ZNF644: variants seen among roughly 807,000 people sequenced by gnomAD.
ZNF644 encodes zinc finger protein 644, also known as zinc finger motif enhancer binding protein 2.
A neutral mutation model predicts 108.0 loss-of-function variants in ZNF644; 20 were observed. The ratio of observed to expected loss-of-function variants is 0.19; its 90% CI spans 0.13 to 0.27. The LOEUF is 0.27. ZNF644 is among the 10% of genes least tolerant of loss of function. The pLI, the probability that ZNF644 is intolerant of heterozygous loss-of-function variation, is 1.00. For missense variants in ZNF644, 1,338 were observed against 1,548.9 expected, an observed-to-expected ratio of 0.86 and a Z score of 2.29; for synonymous variants, 542 against 539.1, an observed-to-expected ratio of 1.01 and a Z score of -0.08.
intron 2 of ZNF644, among the ~76,000 whole-genome samples, chr1:90,950,488 G>C (rs2101041517): frequency 6.6e-6 from 1 of 151,408 alleles, no homozygotes; most frequent in South Asian, 2.1e-4. Flanking sequence ...AGAACCTGAG[G>C]ATATTAAGTA....
chr1:90,995,500 A>T (rs1006894674), intron 1 of ZNF644, among the ~76,000 whole-genome samples: 2 of 152,180 alleles, frequency 1.3e-5, no homozygotes, highest in Non-Finnish European at 1.5e-5. Flanking sequence ...AAAACATTTC[A>T]AATTCAGTAG....
intron 1 of ZNF644, among the ~76,000 whole-genome samples, chr1:91,018,360 GACA>G (rs1660605085): frequency 6.6e-6 from 1 of 152,074 alleles, no homozygotes; most frequent in Non-Finnish European, 1.5e-5. Context: ...TGCTATACCT[GACA>G]ACTTTACTCA....
chr1:90,936,829 A>G (rs989662752), intron 4 of ZNF644, among the ~76,000 whole-genome samples: 2 of 152,222 alleles, frequency 1.3e-5, no homozygotes, highest in Admixed American at 1.3e-4. Flanking sequence ...GTGCACCAGC[A>G]CTAAGCTAAA....
At chr1:91,000,183 C>T (rs377452561) in intron 1 of ZNF644, among the ~76,000 whole-genome samples, 8 of 152,244 alleles carry the variant, frequency 5.3e-5, no homozygotes, top group East Asian at 3.9e-4. Flanking sequence ...CTGCATCAAG[C>T]GGACCTAACA....
chr1:90,970,998 CAAAAAAAAAAA>C (rs61253802), intron 2 of ZNF644, among the ~76,000 whole-genome samples: 5 of 92,886 alleles, frequency 5.4e-5, no homozygotes, highest in African/African-American at 2.3e-4. Context: ...GACTCCATTT[CAAAAAAAAAAA>C]AAAAAAAAAC....
chr1:90,970,142 TA>T, intron 2 of ZNF644, among the ~76,000 whole-genome samples: 1 of 152,226 alleles, frequency 6.6e-6, no homozygotes, highest in Non-Finnish European at 1.5e-5. Flanking sequence ...TGCAACCCTA[TA>T]CAGCAATTAG....
chr1:90,937,649 A>G lies in ZNF644; in HGVS notation c.3524T>C (p.Leu1175Pro). The change falls in exon 4 of 6, where the codon CTT becomes CCT. Residue 1175 changes from leucine (L) to proline (P), a missense_variant. Transcript: ENST00000337393. Reference sequence around the variant, plus strand: ...TTCTTCTCCCATCCTTTTATTTTTAAGAAGTTCTATGAGTGTAAGAGACTG... The same window carrying G: ...TTCTTCTCCCATCCTTTTATTTTTAGGAAGTTCTATGAGTGTAAGAGACTG... ...KNQSLTLIEL[L>P]KNKRMGEERN... 5 of 1,613,918 alleles carry G rather than the reference A, an allele frequency of 3.1e-6. No homozygotes were observed. The highest frequency in any genetic ancestry group is 4.2e-6 in the Non-Finnish European group (5 of 1,179,858).
rs1381805695 is a variant in ZNF644, at chr1:90,916,828, A to C, written c.3954T>G (p.Phe1318Leu). 1.9e-6 allele frequency: 3 copies of C among 1,614,112 alleles called. No homozygotes were observed. The highest frequency in any genetic ancestry group is 2.2e-5 in the East Asian group (1 of 44,894). Reference sequence around the variant, plus strand: ...AAGCTGCTTCGGCCATTAGTAGAGAAAATGAAGTTTCTGTAATGGAGGCAG... The same window carrying C: ...AAGCTGCTTCGGCCATTAGTAGAGACAATGAAGTTTCTGTAATGGAGGCAG... ...KKPASITETS[F>L]SLLMAEAAS Residue 1318 changes from phenylalanine (F) to leucine (L), a missense_variant, in exon 6 of 6, where the codon TTT becomes TTG. Transcript: ENST00000337393.
intron 1 of ZNF644, among the ~76,000 whole-genome samples, chr1:91,000,246 C>T (rs946840042): frequency 6.6e-6 from 1 of 152,198 alleles, no homozygotes; most frequent in African/African-American, 2.4e-5. Context: ...TTCTTTTCAA[C>T]ACCACATCGC....
At chr1:90,973,447 ATTGTTAAACTCGTATTTTAGTT>A (rs1655699140) in intron 2 of ZNF644, among the ~76,000 whole-genome samples, 1 of 152,198 alleles carries the variant, frequency 6.6e-6, no homozygotes, top group Admixed American at 6.5e-5. Flanking sequence ...TAGGTCTTCC[ATTGTTAAACTCGTATTTTAGTT>A]TTGTTATCTG....
chr1:90,970,234 G>C (rs1000647525), intron 2 of ZNF644, among the ~76,000 whole-genome samples: 4 of 152,128 alleles, frequency 2.6e-5, no homozygotes, highest in Non-Finnish European at 5.9e-5. Flanking sequence ...TAAAACATAT[G>C]GATCTCCTTT....
At chr1:91,021,883 G>A (rs1570608585) in intron 1 of ZNF644, 107 bp downstream of exon 1, 2 of 398,658 alleles carry the variant, frequency 5.0e-6, no homozygotes, top group East Asian at 3.6e-5. Context: ...CGGAGGCCGG[G>A]TCCCCCAAGT....
intron 1 of ZNF644, among the ~76,000 whole-genome samples, chr1:90,987,183 G>C (rs1218157233): frequency 7.0e-6 from 1 of 143,672 alleles, no homozygotes; most frequent in African/African-American, 2.5e-5. Flanking sequence ...TATTAGGGCA[G>C]AGATCAACTA....
chr1:90,980,273 T>A (rs570916692), intron 2 of ZNF644, among the ~76,000 whole-genome samples: 1 of 152,184 alleles, frequency 6.6e-6, no homozygotes, highest in African/African-American at 2.4e-5. Context: ...TTTCAGAAGA[T>A]AAGCTGACAA....
chr1:90,943,103 C>A (rs1017493638), intron 2 of ZNF644, among the ~76,000 whole-genome samples: 3 of 152,004 alleles, frequency 2.0e-5, no homozygotes, highest in Non-Finnish European at 1.5e-5. Context: ...TTAAGGGTAC[C>A]AATTTCATGC....
chr1:90,953,857 A>C (rs1024422835), intron 2 of ZNF644, among the ~76,000 whole-genome samples: 1 of 151,908 alleles, frequency 6.6e-6, no homozygotes, highest in Non-Finnish European at 1.5e-5. Flanking sequence ...CAGAGGTTGC[A>C]GTGAGCTGAG....
chr1:90,940,448 A>T lies in ZNF644; in HGVS notation c.906T>A (p.Arg302=). 6.2e-7 allele frequency: 1 copy of T among 1,613,506 alleles called. No homozygotes were observed. Among genetic ancestry groups the T allele is most frequent in the African/African-American group, 1.3e-5 (1 of 74,946 alleles). Residue 302 remains arginine, a synonymous_variant, in exon 3 of 6, where the codon CGT becomes CGA. Transcript: ENST00000337393. The part of the protein sequence containing the change: ...KRKMDVSKIT[R]YTEDCFSDSN... The stretch of plus-strand genomic sequence containing the variant: ...AATCACTAAAGCAATCCTCGGTATA[A>T]CGAGTTATCTTGCTTACATCCATTT...
intron 2 of ZNF644, among the ~76,000 whole-genome samples, chr1:90,954,697 G>A (rs1041969547): frequency 6.6e-6 from 1 of 152,156 alleles, no homozygotes; most frequent in Non-Finnish European, 1.5e-5. Context: ...GTGAGCCATG[G>A]CACCCAGTCT....
intron 1 of ZNF644, among the ~76,000 whole-genome samples, chr1:91,016,649 TAATGA>T (rs755844169): frequency 6.6e-6 from 1 of 152,180 alleles, no homozygotes. Context: ...CTCAAGAAAC[TAATGA>T]AAGAGATACT....
Sources: gnomAD v4.1 joint callset for allele counts (sites outside exome capture counted in the v4.1 genomes callset) on GRCh38, gnomAD v4.1.1 for gene constraint, MANE v1.5 for transcripts, NCBI Gene and HGNC (gene_info 2026-07-23, HGNC 2026-07-21) for gene names.